ABCC11: variants seen among roughly 807,000 people sequenced by gnomAD.
ABCC11 encodes the protein ATP-binding cassette sub-family C member 11.
A neutral mutation model predicts 149.3 loss-of-function variants in ABCC11; 135 were observed. The ratio of observed to expected loss-of-function variants is 0.90; its 90% CI spans 0.79 to 1.04. The LOEUF (loss-of-function observed/expected upper bound fraction) is 1.04. Ranked by LOEUF, ABCC11 falls within the 50% of genes least tolerant of loss-of-function variation. The pLI is 0.00. For missense variants in ABCC11, 1,680 were observed against 1,722.1 expected, an observed-to-expected ratio of 0.98 and a Z score of 0.43; for synonymous variants, 665 against 671.4, an observed-to-expected ratio of 0.99 and a Z score of 0.15.
At chr16:48,177,168 C>A in intron 24 of ABCC11, 55 bp from the exon 25 acceptor site, 2 of 1,534,398 alleles carry the variant, frequency 1.3e-6, no homozygotes, top group South Asian at 1.3e-5. Context: ...CTCGGCCCAT[C>A]CCCTGCGGGC....
In ABCC11 at chr16:48,176,548, C is replaced by A. The variant is rs1453844793; in HGVS notation, c.3538+376G>T. Among the ~76,000 whole-genome samples, 2 of 151,952 alleles carry A rather than the reference C, an allele frequency of 1.3e-5. 1 individual carries two copies. The highest frequency in any genetic ancestry group is 4.1e-4 in the South Asian group (2 of 4,824). ...TCATCCTGGCAGTGCCCTGCAATGCCCCTCCAAAAGTGCTCCTGCCCGGAC... is the reference window on the plus strand; with the variant it reads ...TCATCCTGGCAGTGCCCTGCAATGCACCTCCAAAAGTGCTCCTGCCCGGAC... On this transcript the variant is annotated intron_variant, in intron 25 of 29. Transcript: ENST00000356608.
intron 10 of ABCC11, 70 bp downstream of exon 10, chr16:48,213,364 TTCTGGAGGA>T: frequency 7.6e-7 from 1 of 1,316,520 alleles, no homozygotes; most frequent in Admixed American, 2.0e-5. Context: ...AGGGGACGTG[TTCTGGAGGA>T]ACATCATGGG....
At position 48,192,675 on chromosome 16, in the gene ABCC11, C is replaced by A. The variant is rs575662559; in HGVS notation, c.2551G>T (p.Gly851Cys). 20 of 1,614,184 alleles carry A rather than the reference C, an allele frequency of 1.2e-5. No homozygotes were observed. The East Asian group carries it at 4.2e-4, about 34-fold the overall frequency. ...RESNGTMADL[G>C]NIADNPQLSF... ...AGTTGAGGATTGTCTGCAATGTTGC[C>A]CAGGTCTGCCATGGTTCCATTGCTC... The change falls in exon 20 of 30, where the codon GGC becomes TGC. Residue 851 changes from glycine (G) to cysteine (C), a missense_variant. By Grantham distance (159) the Gly-to-Cys change is radical. Transcript: ENST00000356608.
At chr16:48,220,938 G>GA (rs1340025089) in intron 6 of ABCC11, among the ~76,000 whole-genome samples, 3 of 152,208 alleles carry the variant, frequency 2.0e-5, no homozygotes, top group Admixed American at 6.5e-5. Flanking sequence ...TGTGCAAAAA[G>GA]AACTGCAAAT....
intron 26 of ABCC11, among the ~76,000 whole-genome samples, chr16:48,174,523 G>C (rs1965913908): frequency 6.6e-6 from 1 of 152,188 alleles, no homozygotes. Flanking sequence ...ATAAAGCTTT[G>C]TCCCTGAGTT....
At position 48,231,430 on chromosome 16, in the gene ABCC11, C is replaced by T. The variant is rs150361942; in HGVS notation, c.99+393G>A. Among the ~76,000 whole-genome samples, 320 of 151,806 alleles carry T rather than the reference C, an allele frequency of 2.1e-3. 13 individuals are homozygous for T. The highest frequency in any genetic ancestry group is 0.018 in the Admixed American group (273 of 15,228). On this transcript the variant is annotated intron_variant, in intron 2 of 29. Coordinates refer to ENST00000356608, the MANE Select transcript of ABCC11 (RefSeq NM_001370497.1). ...CTTGTAATCCCAGTGCTTTGGGAGG[C>T]CAAGACAGGAGGATGGAGGCCAGGA...
At chr16:48,244,010 A>G (rs188016646) in intron 1 of ABCC11, among the ~76,000 whole-genome samples, 1 of 152,330 alleles carries the variant, frequency 6.6e-6, no homozygotes, top group Admixed American at 6.5e-5. Flanking sequence ...TAAATAAATA[A>G]ATAAATAAAT....
intron 23 of ABCC11, among the ~76,000 whole-genome samples, chr16:48,182,960 A>G (rs1462746286): frequency 6.6e-6 from 1 of 152,218 alleles, no homozygotes; most frequent in Admixed American, 6.5e-5. Flanking sequence ...GATTATGTGT[A>G]AATGTGAGAC....
In ABCC11 at chr16:48,170,162, G is replaced by A; in HGVS notation, c.3834C>T (p.Phe1278=). The A allele has an allele frequency of 1.2e-6, 2 of 1,614,152 alleles. No homozygotes were observed. Among genetic ancestry groups the A allele is most frequent in the Non-Finnish European group, 1.7e-6 (2 of 1,179,998 alleles). Residue 1278 remains phenylalanine, a synonymous_variant, in exon 28 of 30, where the codon TTC becomes TTT. Transcript: ENST00000356608. ...AGAGCAGCTGCCTCTCCCCCACAGA[G>A]AAGTTTCCACCGTTTTCCACCACAT... ...HTDVVENGGN[F]SVGERQLLCI...
At position 48,198,055 on chromosome 16, in the gene ABCC11, C is replaced by T; in HGVS notation, c.2230G>A (p.Asp744Asn). The T allele has an allele frequency of 6.2e-7, 1 of 1,614,226 alleles. No homozygotes were observed. The highest frequency in any genetic ancestry group is 8.5e-7 in the Non-Finnish European group (1 of 1,180,044). The change falls in exon 17 of 30, where the codon GAC (aspartate) becomes AAC (asparagine). Residue 744 changes from aspartate to asparagine, a missense_variant. Asp to Asn is a conservative substitution (Grantham distance 23, BLOSUM62 1). Transcript: ENST00000356608. Reference protein sequence around the residue: ...HKEATSDMLQDTAKIAEKPKV... With the variant: ...HKEATSDMLQNTAKIAEKPKV... ...GGCTTCTCTGCTATCTTTGCTGTGT[C>T]CTGCAACATGTCCTGGGGAGAGAGC...
At chr16:48,233,021 G>A (rs1970506820) in intron 1 of ABCC11, among the ~76,000 whole-genome samples, 1 of 151,930 alleles carries the variant, frequency 6.6e-6, no homozygotes. Flanking sequence ...GCAACATGGC[G>A]AAACCCTGTC....
chr16:48,167,429 C>G, intron 29 of ABCC11, 63 bp from the exon 30 acceptor site: 1 of 1,605,752 alleles, frequency 6.2e-7, no homozygotes, highest in Non-Finnish European at 8.5e-7. Flanking sequence ...CCTTGGAGGA[C>G]TCAAAGGCAT....
At chr16:48,203,841 G>T (rs1241016760) in intron 13 of ABCC11, among the ~76,000 whole-genome samples, 1 of 152,208 alleles carries the variant, frequency 6.6e-6, no homozygotes, top group African/African-American at 2.4e-5. Flanking sequence ...TTGTACTCCA[G>T]CCTGGGAGAC....
At position 48,205,527 on chromosome 16, in the gene ABCC11, A is replaced by G. The variant is rs573922124; in HGVS notation, c.1691T>C (p.Leu564Pro). 1 of 1,613,772 alleles carries G rather than the reference A, an allele frequency of 6.2e-7. No homozygotes were observed. The highest frequency in any genetic ancestry group is 1.1e-5 in the South Asian group (1 of 91,036). ...LSAILEEMHL[L>P]EGSVGVQGSL... ...TCCCTGCACCCCCACCGAGCCCTCG[A>G]GCAAGTGCATCTGCGGCAGAATGAG... The change falls in exon 13 of 30, where the codon CTC becomes CCC. Residue 564 changes from leucine (L) to proline (P), a missense_variant. Leu to Pro is a moderately conservative substitution (Grantham distance 98). Transcript: ENST00000356608.
intron 14 of ABCC11, among the ~76,000 whole-genome samples, chr16:48,202,494 C>T (rs1255656936): frequency 2.6e-5 from 4 of 151,924 alleles, no homozygotes; most frequent in Non-Finnish European, 2.9e-5. Context: ...GCCTGTAATC[C>T]CAGCTACTCA....
chr16:48,232,073 C>T (rs1970455576), intron 1 of ABCC11, 134 bp from the exon 2 acceptor site: 2 of 1,445,822 alleles, frequency 1.4e-6, no homozygotes, highest in East Asian at 2.5e-5. Flanking sequence ...GTTTGGGTGC[C>T]TGCTCTTTCC....
At chr16:48,179,675 G>A (rs1039324286) in intron 23 of ABCC11, among the ~76,000 whole-genome samples, 3 of 152,194 alleles carry the variant, frequency 2.0e-5, no homozygotes, top group Middle Eastern at 3.2e-3. Context: ...GCAGAGGGGC[G>A]CACTCCACAA....
At chr16:48,243,913 A>G (rs1403673132) in intron 1 of ABCC11, among the ~76,000 whole-genome samples, 2 of 151,934 alleles carry the variant, frequency 1.3e-5, no homozygotes, top group African/African-American at 2.4e-5. Flanking sequence ...AATCGCTTGA[A>G]CCCGGGAGGC....
intron 18 of ABCC11, 30 bp from the exon 19 acceptor site, chr16:48,194,012 T>C (rs1489933240): frequency 6.5e-7 from 1 of 1,547,494 alleles, no homozygotes; most frequent in Non-Finnish European, 8.9e-7. Flanking sequence ...GATGTACAAG[T>C]GCCACAAACA....
Sources: gnomAD v4.1 joint callset for allele counts (sites outside exome capture counted in the v4.1 genomes callset) on GRCh38, gnomAD v4.1.1 for gene constraint, MANE v1.5 for transcripts, NCBI Gene and HGNC (gene_info 2026-07-23, HGNC 2026-07-21) for gene names.